The following PAPPA variants were observed in gnomAD, a reference collection of about 807,000 sequenced individuals.
PAPPA encodes pappalysin-1.
In PAPPA, 60 loss-of-function variants were observed where a neutral mutation model predicts 164.0. That is an observed-to-expected ratio of 0.37 (90% CI 0.30 to 0.45). The LOEUF is 0.45. PAPPA is among the 20% of genes least tolerant of loss of function. The pLI is 1.00. For missense variants in PAPPA, 1,782 were observed against 2,087.3 expected (o/e 0.85, Z 2.85); for synonymous variants, 875 against 814.1 (o/e 1.07, Z -1.27).
At chr9:116,226,708 T>TA (rs1844515024) in intron 5 of PAPPA, among the ~76,000 whole-genome samples, 1 of 152,192 alleles carries the variant, frequency 6.6e-6, no homozygotes, top group African/African-American at 2.4e-5. Context: ...CCAGAGACTC[T>TA]ATAGCCAAAG....
At chr9:116,207,281 T>C (rs1461012885) in intron 2 of PAPPA, among the ~76,000 whole-genome samples, 175 bp from the exon 3 acceptor site, 1 of 152,184 alleles carries the variant, frequency 6.6e-6, no homozygotes, top group South Asian at 2.1e-4. Context: ...CTTAATTTTA[T>C]GATCTGTAAA....
At chr9:116,329,120 T>C (rs1588006109) in intron 10 of PAPPA, among the ~76,000 whole-genome samples, 1 of 152,192 alleles carries the variant, frequency 6.6e-6, no homozygotes, top group East Asian at 1.9e-4. Context: ...AAGAGAGACA[T>C]TTGAATTTGC....
chr9:116,357,065 C>T (rs999476845), intron 17 of PAPPA, among the ~76,000 whole-genome samples: 2 of 152,314 alleles, frequency 1.3e-5, no homozygotes, highest in Admixed American at 1.3e-4. Context: ...TGGTCCCTTG[C>T]TCAAATAAAC....
Position 116,302,789 on chromosome 9 carries a change from G to A in PAPPA, c.2986G>A (p.Asp996Asn). ...EPSRCYFHDGDGVCEEFEQKT... is the reference protein window; with the variant it reads ...EPSRCYFHDGNGVCEEFEQKT... ...CAGCCGGTGCTATTTCCATGATGGT[G>A]ATGGGGTATGTGAGGAGTTTGAACA... is the stretch of plus-strand genomic sequence containing the variant. The change falls in exon 10 of 22, where the codon GAT (aspartate) becomes AAT (asparagine). Residue 996 changes from aspartate to asparagine, a missense_variant. Physicochemically the swap from Asp to Asn is conservative, Grantham distance 23. Around this residue, in one of 2 missense-constraint regions of PAPPA, gnomAD observed 1,324 missense variants for 1,656.9 expected, o/e 0.80. Coordinates refer to ENST00000328252, the MANE Select transcript of PAPPA (RefSeq NM_002581.5). 2 of 1,613,770 alleles carry A rather than the reference G, an allele frequency of 1.2e-6. No individual in the cohort carries two copies. Among genetic ancestry groups the A allele is most frequent in the East Asian group, 2.2e-5 (1 of 44,864 alleles).
chr9:116,328,995 G>T (rs906484974), intron 10 of PAPPA, among the ~76,000 whole-genome samples: 1 of 152,190 alleles, frequency 6.6e-6, no homozygotes, highest in Non-Finnish European at 1.5e-5. Context: ...GCTTGCAACT[G>T]CAGATTATAA....
At chr9:116,361,012 C>T (rs1179553112) in intron 17 of PAPPA, among the ~76,000 whole-genome samples, 1 of 152,138 alleles carries the variant, frequency 6.6e-6, no homozygotes, top group African/African-American at 2.4e-5. Context: ...CAATAGCAGA[C>T]AGAAGGAGCA....
chr9:116,367,838 A>C, intron 19 of PAPPA, 84 bp downstream of exon 19: 1 of 908,254 alleles, frequency 1.1e-6, no homozygotes, highest in Non-Finnish European at 1.8e-6. Flanking sequence ...CCCGGTTCTG[A>C]GTTCATTCTT....
rs1407205564 is a variant in PAPPA at position 116,334,971 on chromosome 9, C to G, written c.3508C>G (p.Leu1170Val). The change falls in exon 13 of 22, where the codon CTG (leucine) becomes GTG (valine). Residue 1170 changes from leucine (L) to valine (V), a missense_variant. Physicochemically the swap from Leu to Val is conservative, Grantham distance 32. Coordinates refer to ENST00000328252, the MANE Select transcript of PAPPA (RefSeq NM_002581.5). Reference sequence around the variant, plus strand: ...GGTACGTGTGAGCTTCAGTTCGCCCCTGGTCGCCATCTCGGGGGTGGCCCT... The same window carrying G: ...GGTACGTGTGAGCTTCAGTTCGCCCGTGGTCGCCATCTCGGGGGTGGCCCT... The part of the protein sequence containing the change: ...QAVRVSFSSP[L>V]VAISGVALRS... 1 of 1,613,932 alleles carries G rather than the reference C, an allele frequency of 6.2e-7. No homozygotes were observed. Among genetic ancestry groups the G allele is most frequent in the Admixed American group, 1.7e-5 (1 of 60,012 alleles).
chr9:116,374,158 T>G (rs202184805), intron 19 of PAPPA, among the ~76,000 whole-genome samples: 75 of 143,700 alleles, frequency 5.2e-4, no homozygotes, highest in African/African-American at 1.9e-3. Flanking sequence ...GGTGGTAGTG[T>G]TGGTGGTGGT....
intron 2 of PAPPA, among the ~76,000 whole-genome samples, chr9:116,200,876 A>C (rs192914350): frequency 5.9e-5 from 9 of 152,306 alleles, no homozygotes; most frequent in Non-Finnish European, 1.5e-5. Flanking sequence ...GAAAGGAAAA[A>C]ATGGAGGTAA....
chr9:116,295,547 C>T (rs1362951812), intron 9 of PAPPA, among the ~76,000 whole-genome samples: 69 of 95,888 alleles, frequency 7.2e-4, no homozygotes, highest in Non-Finnish European at 1.2e-3. Context: ...GAGCGAGACT[C>T]GGTCTCAAAA....
rs1294935321 is a variant in PAPPA at position 116,271,922 on chromosome 9, C to T, written c.2953+506C>T. ...CTCATTTTGCTTTGCAACCTCCAGCCGTGATGCAGGAACCACCAAGGTCCC... is the reference window on the plus strand; with the variant it reads ...CTCATTTTGCTTTGCAACCTCCAGCTGTGATGCAGGAACCACCAAGGTCCC... On this transcript the variant is annotated intron_variant, in intron 9 of 21. Coordinates refer to ENST00000328252, the MANE Select transcript of PAPPA (RefSeq NM_002581.5). This position sits in a 1 kb window ranked among gnomAD's most constrained non-coding sequence, Gnocchi z 4.2. 2.0e-5 allele frequency among the ~76,000 whole-genome samples: 3 copies of T among 152,206 alleles called. No homozygotes were observed. Among genetic ancestry groups the T allele is most frequent in the African/African-American group, 4.8e-5 (2 of 41,440 alleles).
intron 19 of PAPPA, among the ~76,000 whole-genome samples, chr9:116,374,987 C>T (rs1252098997): frequency 3.3e-5 from 5 of 152,264 alleles, no homozygotes; most frequent in East Asian, 1.9e-4. Context: ...CTGTGCTCCA[C>T]GCTTCACCCT....
At chr9:116,393,166 C>A (rs944505848) in intron 21 of PAPPA, among the ~76,000 whole-genome samples, 1 of 152,168 alleles carries the variant, frequency 6.6e-6, no homozygotes, top group Non-Finnish European at 1.5e-5. Context: ...CTGGGGAGGA[C>A]AGGAAGGGGA....
At chr9:116,204,057 G>A (rs1342928380) in intron 2 of PAPPA, among the ~76,000 whole-genome samples, 2 of 152,164 alleles carry the variant, frequency 1.3e-5, no homozygotes, top group African/African-American at 4.8e-5. Flanking sequence ...TTCCCAGCAG[G>A]AGAAAATAGG....
In PAPPA at chr9:116,236,607, T is replaced by A. The variant is rs914921434; in HGVS notation, c.2732+970T>A. On this transcript the variant is annotated intron_variant, in intron 7 of 21. Coordinates refer to ENST00000328252, the MANE Select transcript of PAPPA (RefSeq NM_002581.5). ...ATCTCAAAAAAAAAAAAAAAAAAAA[T>A]TACTCACTTCTCAAGCCACCTCTCT... Among the ~76,000 whole-genome samples the A allele has an allele frequency of 2.0e-3, 282 of 144,100 alleles. 5 individuals are homozygous for A. In the East Asian group the frequency reaches 0.052, roughly 27 times the overall value. 94.5% of individuals were successfully genotyped at this position (144,100 alleles called of 152,430 possible). A position where few individuals can be genotyped will look rare whatever the true frequency, so the allele number is the denominator to read the frequency against.
chr9:116,167,478 T>G (rs191259165), intron 1 of PAPPA, among the ~76,000 whole-genome samples: 8 of 152,352 alleles, frequency 5.3e-5, no homozygotes, highest in Admixed American at 5.2e-4. Context: ...ATTGTGCACT[T>G]ATTTCAAAGA....
At chr9:116,358,766 C>T (rs1051631759) in intron 17 of PAPPA, among the ~76,000 whole-genome samples, 1 of 152,218 alleles carries the variant, frequency 6.6e-6, no homozygotes, top group African/African-American at 2.4e-5. Flanking sequence ...GGTACAACAG[C>T]TTACAGTCAA....
Position 116,347,430 on chromosome 9 carries a change from A to C in PAPPA, c.3964+221A>C, listed in dbSNP as rs1299287489. ...AATTATGACAGTGAAGCCCTTTCCA[A>C]GACCTTGGAAATCTTGCAAAAAAGA... is the stretch of plus-strand genomic sequence containing the variant. On this transcript the variant is annotated intron_variant, in intron 15 of 21. Transcript: ENST00000328252. The surrounding 1 kb of genome is among the most constrained non-coding windows in gnomAD (Gnocchi z 4.5). 6.6e-6 allele frequency among the ~76,000 whole-genome samples: 1 copy of C among 152,232 alleles called. No individual in the cohort carries two copies. Among genetic ancestry groups the C allele is most frequent in the African/African-American group, 2.4e-5 (1 of 41,466 alleles).
Sources: gnomAD v4.1 joint callset for allele counts (sites outside exome capture counted in the v4.1 genomes callset) on GRCh38, gnomAD v4.1.1 for gene constraint, gnomAD v4.1.1 regional missense constraint, Gnocchi (gnomAD v3.1) non-coding constraint, MANE v1.5 for transcripts, NCBI Gene and HGNC (gene_info 2026-07-23, HGNC 2026-07-21) for gene names.